FARP1: variants seen among roughly 807,000 people sequenced by gnomAD.
The protein encoded by FARP1 is FERM, ARH/RhoGEF and pleckstrin domain protein 1, also known as FERM, ARHGEF and pleckstrin domain-containing protein 1.
A neutral mutation model predicts 128.8 loss-of-function variants in FARP1; 52 were observed. That is an observed-to-expected ratio of 0.40 (90% confidence interval 0.32 to 0.51). FARP1 has a LOEUF of 0.51. Ranked by LOEUF, FARP1 falls within the 20% of genes least tolerant of loss-of-function variation. The pLI, the probability that FARP1 is intolerant of heterozygous loss-of-function variation, is 0.45. For synonymous variants in FARP1, 580 were observed against 551.8 expected, an observed-to-expected ratio of 1.05 and a Z score of -0.72; for missense variants, 1,333 against 1,367.9, an observed-to-expected ratio of 0.97 and a Z score of 0.40.
At chr13:98,174,543 C>T (rs1014909114) in intron 1 of FARP1, among the ~76,000 whole-genome samples, 3 of 152,218 alleles carry the variant, frequency 2.0e-5, no homozygotes, top group South Asian at 2.1e-4. Context: ...CTGACAAAAA[C>T]GGACGGACTT....
chr13:98,445,602 C>CT (rs112456693), intron 24 of FARP1: 5,141 of 153,626 alleles, frequency 0.033, 272 homozygotes, highest in African/African-American at 0.11. Context: ...CTGCTCTGAG[C>CT]TTGTTGGGAT....
At chr13:98,309,806 G>A (rs1038467607) in intron 2 of FARP1, among the ~76,000 whole-genome samples, 4 of 152,212 alleles carry the variant, frequency 2.6e-5, no homozygotes, top group Admixed American at 1.3e-4. Context: ...GGACAAACTC[G>A]AAACGGTGGG....
chr13:98,375,154 T>A (rs1889527929), intron 5 of FARP1, among the ~76,000 whole-genome samples: 1 of 152,234 alleles, frequency 6.6e-6, no homozygotes, highest in African/African-American at 2.4e-5. Context: ...GTGTGCTTCA[T>A]ATTTCATTAA....
chr13:98,347,205 A>G (rs1214316840), intron 3 of FARP1, among the ~76,000 whole-genome samples: 1 of 152,134 alleles, frequency 6.6e-6, no homozygotes, highest in East Asian at 1.9e-4. Flanking sequence ...AAGTGTTCCA[A>G]AAGCATTATT....
At chr13:98,305,708 C>T (rs1389840217) in intron 2 of FARP1, among the ~76,000 whole-genome samples, 1 of 152,178 alleles carries the variant, frequency 6.6e-6, no homozygotes, top group Non-Finnish European at 1.5e-5. Flanking sequence ...CCTCTTTCCT[C>T]ATTTCTGTCA....
intron 2 of FARP1, among the ~76,000 whole-genome samples, chr13:98,311,591 G>A (rs1440204250): frequency 3.9e-5 from 6 of 152,094 alleles, no homozygotes; most frequent in Non-Finnish European, 8.8e-5. Context: ...GTGCACACAC[G>A]TGCACACGTT....
intron 11 of FARP1, among the ~76,000 whole-genome samples, chr13:98,392,963 A>G (rs1890369567): frequency 6.6e-6 from 1 of 152,172 alleles, no homozygotes; most frequent in African/African-American, 2.4e-5. Flanking sequence ...TTCTGTGCTA[A>G]CCTGGAGTAT....
intron 1 of FARP1, among the ~76,000 whole-genome samples, chr13:98,159,207 C>T (rs1376560770): frequency 6.6e-6 from 1 of 152,162 alleles, no homozygotes; most frequent in Non-Finnish European, 1.5e-5. Context: ...ATGCTAGGCA[C>T]TGTGCTCAGC....
At chr13:98,220,694 G>GCT (rs1380615269) in intron 2 of FARP1, among the ~76,000 whole-genome samples, 1 of 152,110 alleles carries the variant, frequency 6.6e-6, no homozygotes, top group East Asian at 1.9e-4. Flanking sequence ...AATACTGTTA[G>GCT]CTTTCCTTTC....
intron 2 of FARP1, among the ~76,000 whole-genome samples, chr13:98,283,198 T>C (rs1326854540): frequency 6.6e-6 from 1 of 152,218 alleles, no homozygotes; most frequent in Non-Finnish European, 1.5e-5. Flanking sequence ...GAAAGTGGCT[T>C]TCCTGTCATT....
At chr13:98,269,078 T>A (rs1319911156) in intron 2 of FARP1, among the ~76,000 whole-genome samples, 1 of 152,056 alleles carries the variant, frequency 6.6e-6, no homozygotes, top group East Asian at 1.9e-4. Context: ...ATGGCTTTAT[T>A]GTGCAGCTAT....
chr13:98,334,593 A>T (rs550339476), intron 2 of FARP1, among the ~76,000 whole-genome samples: 1 of 152,328 alleles, frequency 6.6e-6, no homozygotes, highest in Admixed American at 6.5e-5. Context: ...TAGCCCTTTC[A>T]TGACTCATGT....
intron 16 of FARP1, among the ~76,000 whole-genome samples, chr13:98,421,646 C>T (rs890115251): frequency 2.0e-5 from 3 of 152,084 alleles, no homozygotes; most frequent in African/African-American, 7.2e-5. Context: ...TCGCTTGAGT[C>T]CAGGAATTCA....
At chr13:98,150,419 A>G (rs1334563563) in intron 1 of FARP1, among the ~76,000 whole-genome samples, 2 of 152,184 alleles carry the variant, frequency 1.3e-5, no homozygotes, top group African/African-American at 4.8e-5. Flanking sequence ...CACATTCTTA[A>G]TGTCATCTTA....
intron 1 of FARP1, among the ~76,000 whole-genome samples, chr13:98,188,122 T>C (rs867639119): frequency 6.6e-6 from 1 of 152,298 alleles, no homozygotes; most frequent in Middle Eastern, 3.4e-3. Flanking sequence ...CTGCCGCTTG[T>C]TGTTCAGGTT....
intron 2 of FARP1, among the ~76,000 whole-genome samples, chr13:98,312,926 G>A (rs1043043415): frequency 1.3e-5 from 2 of 152,096 alleles, no homozygotes; most frequent in African/African-American, 4.8e-5. Flanking sequence ...GGAGAAGTGG[G>A]CCAGGGTTTT....
At chr13:98,259,694 C>G (rs549310857) in intron 2 of FARP1, among the ~76,000 whole-genome samples, 95 of 151,530 alleles carry the variant, frequency 6.3e-4, no homozygotes, top group Admixed American at 1.2e-3. Context: ...ATTTTTTTTC[C>G]AAGATGGTTG....
At chr13:98,360,182 G>A (rs183599558) in intron 3 of FARP1, among the ~76,000 whole-genome samples, 6 of 142,038 alleles carry the variant, frequency 4.2e-5, no homozygotes, top group Admixed American at 3.8e-4. Flanking sequence ...TGCAAGCTCC[G>A]CCTCCTGGGT....
intron 2 of FARP1, among the ~76,000 whole-genome samples, chr13:98,251,420 C>T (rs1050808642): frequency 2.0e-5 from 3 of 152,130 alleles, no homozygotes; most frequent in East Asian, 1.9e-4. Flanking sequence ...GGTATTCTTA[C>T]GCCTGTAATC....
Sources: gnomAD v4.1 joint callset for allele counts (sites outside exome capture counted in the v4.1 genomes callset) on GRCh38, gnomAD v4.1.1 for gene constraint, MANE v1.5 for transcripts, NCBI Gene and HGNC (gene_info 2026-07-23, HGNC 2026-07-21) for gene names.